RBFOX1: variants seen among roughly 807,000 people sequenced by gnomAD.
RBFOX1 encodes the protein RNA binding protein fox-1 homolog 1.
RBFOX1 carries 8 observed loss-of-function variants against 57.7 expected under a neutral mutation model. The ratio of observed to expected loss-of-function variants is 0.14; its 90% CI spans 0.08 to 0.25. The LOEUF (loss-of-function observed/expected upper bound fraction) is 0.25. Ranked by LOEUF, RBFOX1 falls within the 10% of genes least tolerant of loss-of-function variation. The pLI is 1.00. For synonymous variants in RBFOX1, 326 were observed against 222.4 expected (o/e 1.47, Z -4.15); for missense variants, 611 against 548.5 (o/e 1.11, Z -1.14).
Position 6,640,057 on chromosome 16 carries a change from T to A in RBFOX1, c.-63-14546T>A, listed in dbSNP as rs1032834469. Among the ~76,000 whole-genome samples the A allele has an allele frequency of 7.9e-5, 12 of 152,218 alleles. No homozygotes were observed. The East Asian group carries it at 2.3e-3, about 29-fold the overall frequency. ...TGAAATACAGAAACTAAAGAACAGA[T>A]AAGTTGCTGCGAAAAGCCATATAAA... On this transcript the variant is annotated intron_variant, in intron 2 of 15. Coordinates refer to ENST00000550418, the MANE Select transcript of RBFOX1 (RefSeq NM_018723.4).
chr16:6,444,404 A>AGGGAACCCGTGGGAGGGAATTGAATC (rs2094444832), intron 2 of RBFOX1, among the ~76,000 whole-genome samples: 1 of 152,050 alleles, frequency 6.6e-6, no homozygotes, highest in Non-Finnish European at 1.5e-5. Flanking sequence ...GGGTCATGGG[A>AGGGAACCCGTGGGAGGGAATTGAATC]GGGAACCCGT....
At chr16:5,586,126 G>A (rs911109811) in intron 2 of RBFOX1, among the ~76,000 whole-genome samples, 17 of 152,172 alleles carry the variant, frequency 1.1e-4, no homozygotes, top group African/African-American at 4.1e-4. Flanking sequence ...ACAAGCCAAG[G>A]CACCTTGAGG....
intron 3 of RBFOX1, among the ~76,000 whole-genome samples, chr16:6,887,614 T>C (rs911583336): frequency 6.6e-6 from 1 of 152,062 alleles, no homozygotes; most frequent in African/African-American, 2.4e-5. Context: ...TTCAGGAAGT[T>C]AGTAACCCTA....
chr16:6,832,289 A>T (rs949469025), intron 3 of RBFOX1, among the ~76,000 whole-genome samples: 3 of 152,230 alleles, frequency 2.0e-5, no homozygotes, highest in African/African-American at 4.8e-5. Context: ...GACATATGTC[A>T]CATGTCATTA....
chr16:7,078,477 A>G (rs1164995348), intron 4 of RBFOX1, among the ~76,000 whole-genome samples: 1 of 152,020 alleles, frequency 6.6e-6, no homozygotes, highest in Non-Finnish European at 1.5e-5. Context: ...TCTCCCGAGT[A>G]GCTGGGATTA....
chr16:5,403,371 A>AAAAC (rs1245984207), intron 1 of RBFOX1, among the ~76,000 whole-genome samples: 3 of 151,604 alleles, frequency 2.0e-5, no homozygotes, highest in Non-Finnish European at 1.5e-5. Context: ...AAAAAAACAA[A>AAAAC]AAACAAACAA....
intron 3 of RBFOX1, among the ~76,000 whole-genome samples, chr16:6,779,685 C>T (rs1181351716): frequency 7.8e-6 from 1 of 128,148 alleles, no homozygotes; most frequent in Non-Finnish European, 1.6e-5. Context: ...TCATTATTGC[C>T]TATCTTTATT....
intron 3 of RBFOX1, among the ~76,000 whole-genome samples, chr16:6,779,719 A>T (rs1361127793): frequency 4.7e-5 from 5 of 105,688 alleles, no homozygotes; most frequent in African/African-American, 2.0e-4. Flanking sequence ...ATTTATATAT[A>T]TATTTATATA....
At chr16:5,970,852 TTC>T (rs1252593939) in intron 4 of RBFOX1, among the ~76,000 whole-genome samples, 16 of 152,336 alleles carry the variant, frequency 1.1e-4, no homozygotes, top group African/African-American at 3.6e-4. Context: ...TCATTTTTCA[TTC>T]TCTCTTAGGA....
At chr16:5,958,454 A>C (rs146081453) in intron 4 of RBFOX1, among the ~76,000 whole-genome samples, 1 of 152,194 alleles carries the variant, frequency 6.6e-6, no homozygotes, top group African/African-American at 2.4e-5. Context: ...ACCACAGTCC[A>C]TTCCATGGGT....
chr16:6,935,905 C>A (rs573649449), intron 3 of RBFOX1, among the ~76,000 whole-genome samples: 11 of 152,188 alleles, frequency 7.2e-5, no homozygotes, highest in African/African-American at 2.7e-4. Context: ...CTAATGGAAC[C>A]CTTGGGTTTG....
At chr16:7,250,390 A>G (rs1473660700) in intron 4 of RBFOX1, among the ~76,000 whole-genome samples, 1 of 152,216 alleles carries the variant, frequency 6.6e-6, no homozygotes, top group Non-Finnish European at 1.5e-5. Context: ...AGCCAGCTTA[A>G]TGATATAAAG....
chr16:5,664,440 C>T (rs973041821), intron 3 of RBFOX1, among the ~76,000 whole-genome samples: 17 of 151,922 alleles, frequency 1.1e-4, no homozygotes, highest in South Asian at 4.1e-4. Flanking sequence ...GCCAGCTACT[C>T]GGGAGGCTGA....
intron 4 of RBFOX1, among the ~76,000 whole-genome samples, chr16:7,501,653 C>T (rs941902747): frequency 6.6e-6 from 1 of 152,172 alleles, no homozygotes; most frequent in Admixed American, 6.5e-5. Context: ...GATATTCTGT[C>T]CTAACATTTA....
rs1598855380 is a variant in RBFOX1, at chr16:7,456,089, G to A, written c.28-62058G>A. On this transcript the variant is annotated intron_variant, in intron 4 of 15. Transcript: ENST00000550418. ...TTATGCTATAGCTGGAATTCTTAAT[G>A]ATTTTTGAACAAGCGTTCCTACATT... is the stretch of plus-strand genomic sequence containing the variant. Among the ~76,000 whole-genome samples the A allele has an allele frequency of 3.9e-5, 6 of 152,288 alleles. No individual in the cohort carries two copies. The South Asian group carries it at 1.2e-3, about 32-fold the overall frequency.
intron 1 of RBFOX1, among the ~76,000 whole-genome samples, chr16:6,105,080 A>G (rs1346761533): frequency 6.6e-6 from 1 of 152,196 alleles, no homozygotes; most frequent in Non-Finnish European, 1.5e-5. Flanking sequence ...GAAGCCAAGA[A>G]GGAGATGGTG....
At chr16:5,559,058 G>A (rs1474548256) in intron 2 of RBFOX1, among the ~76,000 whole-genome samples, 1 of 151,638 alleles carries the variant, frequency 6.6e-6, no homozygotes, top group Admixed American at 6.6e-5. Flanking sequence ...GAGCTGGGCT[G>A]GGGGGGTTTG....
At chr16:6,944,444 C>G (rs897979780) in intron 3 of RBFOX1, among the ~76,000 whole-genome samples, 1 of 151,956 alleles carries the variant, frequency 6.6e-6, no homozygotes, top group African/African-American at 2.4e-5. Flanking sequence ...AGACCACACC[C>G]TTGCTTGGCC....
chr16:7,482,722 A>G (rs532610919), intron 4 of RBFOX1, among the ~76,000 whole-genome samples: 1 of 151,748 alleles, frequency 6.6e-6, no homozygotes, highest in East Asian at 2.0e-4. Flanking sequence ...TGATGAAGGA[A>G]TTTTCCTTCC....
Sources: gnomAD v4.1 joint callset for allele counts (sites outside exome capture counted in the v4.1 genomes callset) on GRCh38, gnomAD v4.1.1 for gene constraint, MANE v1.5 for transcripts, NCBI Gene and HGNC (gene_info 2026-07-23, HGNC 2026-07-21) for gene names.